The following PRTG variants were observed in gnomAD, a reference collection of about 807,000 sequenced individuals.
The protein encoded by PRTG is protogenin.
PRTG carries 67 observed loss-of-function variants against 122.5 expected under a neutral mutation model. The observed-to-expected ratio is 0.55, with a 90% CI of 0.45 to 0.67. The LOEUF (loss-of-function observed/expected upper bound fraction) is 0.67, where lower values mean the gene tolerates loss of function less well. Ranked by LOEUF, PRTG falls within the 30% of genes least tolerant of loss-of-function variation. The probability of loss-of-function intolerance (pLI) is 0.00; values close to 1 mark genes in which losing one functional copy is unlikely to be tolerated. For missense variants in PRTG, 1,435 were observed against 1,415.4 expected, an observed-to-expected ratio of 1.01 and a Z score of -0.22; for synonymous variants, 554 against 501.1, an observed-to-expected ratio of 1.11 and a Z score of -1.41.
chr15:55,742,435 G>A (rs541417900), intron 1 of PRTG: 1 of 181,882 alleles, frequency 5.5e-6, no homozygotes, highest in Non-Finnish European at 1.1e-5. Context: ...TATAAATAAA[G>A]CCACGTGCAG....
At chr15:55,673,931 A>C (rs557891232) in intron 9 of PRTG, among the ~76,000 whole-genome samples, 30 of 152,324 alleles carry the variant, frequency 2.0e-4, no homozygotes, top group African/African-American at 6.5e-4. Context: ...GTTTGGAATG[A>C]ATATGAGAAT....
chr15:55,619,683 T>C lies in PRTG; in HGVS notation c.*329A>G, dbSNP rs568360328. The C allele has an allele frequency of 9.9e-5, 25 of 252,570 alleles. No individual in the cohort carries two copies. The highest frequency in any genetic ancestry group is 1.3e-3 in the Middle Eastern group (1 of 744). 15.6% of individuals were successfully genotyped at this position (252,570 alleles called of 1,614,324 possible). On this transcript the variant is annotated 3_prime_UTR_variant, in exon 20 of 20. Coordinates refer to ENST00000389286, the MANE Select transcript of PRTG (RefSeq NM_173814.6). ...ATCCAGTCAAACATCTCGACCGTTC[T>C]TTCACATTGCTGACAATGAAACATT... is the stretch of plus-strand genomic sequence containing the variant.
chr15:55,717,131 G>A (rs2030629861), intron 2 of PRTG, among the ~76,000 whole-genome samples: 1 of 152,028 alleles, frequency 6.6e-6, no homozygotes, highest in East Asian at 1.9e-4. Flanking sequence ...CAAGAGATTT[G>A]GCTTTTATTG....
intron 2 of PRTG, among the ~76,000 whole-genome samples, chr15:55,704,638 A>G (rs1423615933): frequency 6.6e-6 from 1 of 152,164 alleles, no homozygotes; most frequent in Non-Finnish European, 1.5e-5. Flanking sequence ...CTTTCACATA[A>G]TAACCACTCA....
chr15:55,719,273 G>A (rs768623084), intron 2 of PRTG, among the ~76,000 whole-genome samples: 1 of 152,038 alleles, frequency 6.6e-6, no homozygotes, highest in Non-Finnish European at 1.5e-5. Context: ...TGTTGCATAT[G>A]GTATATCATG....
At chr15:55,630,694 C>T (rs1433220281) in intron 15 of PRTG, among the ~76,000 whole-genome samples, 1 of 152,144 alleles carries the variant, frequency 6.6e-6, no homozygotes, top group Non-Finnish European at 1.5e-5. Context: ...CCTTGTTCTG[C>T]CACTGCACCA....
chr15:55,704,092 A>C (rs1303843713), intron 2 of PRTG, among the ~76,000 whole-genome samples: 1 of 152,240 alleles, frequency 6.6e-6, no homozygotes, highest in African/African-American at 2.4e-5. Flanking sequence ...GGGAAAAAAA[A>C]GTGTCACTGC....
chr15:55,659,701 G>A (rs367776774), intron 11 of PRTG, among the ~76,000 whole-genome samples: 3 of 152,190 alleles, frequency 2.0e-5, no homozygotes, highest in Non-Finnish European at 2.9e-5. Context: ...CGAGGCGGAC[G>A]GACTGCCTGA....
In PRTG at chr15:55,673,379, C is replaced by T. The variant is rs752083603; in HGVS notation, c.1844G>A (p.Ser615Asn). 6.8e-6 allele frequency: 11 copies of T among 1,611,346 alleles called. No individual in the cohort carries two copies. The highest frequency in any genetic ancestry group is 9.3e-6 in the Non-Finnish European group (11 of 1,177,674). ...WTSHRTPKAT[S>N]VKAPKSPELH... is the part of the protein sequence containing the mutation. ...AGTCTTCAGAAATTCACCTTTCACG[C>T]TTGTAGCTTTGGGCGTCCTATGTGA... The change falls in exon 10 of 20, where the codon AGC becomes AAC. Residue 615 changes from serine to asparagine, a missense_variant. Transcript: ENST00000389286.
intron 4 of PRTG, among the ~76,000 whole-genome samples, chr15:55,680,845 A>G (rs1368158164): frequency 6.6e-6 from 1 of 152,158 alleles, no homozygotes; most frequent in Non-Finnish European, 1.5e-5. Flanking sequence ...AATTAATTTT[A>G]GAACATTTTT....
At chr15:55,648,019 C>T (rs1450808176) in intron 11 of PRTG, among the ~76,000 whole-genome samples, 13 of 152,174 alleles carry the variant, frequency 8.5e-5, no homozygotes, top group Non-Finnish European at 5.9e-5. Flanking sequence ...TATATTCCTT[C>T]CAGTGGTATA....
At chr15:55,715,669 C>T (rs1015896916) in intron 2 of PRTG, among the ~76,000 whole-genome samples, 1 of 152,170 alleles carries the variant, frequency 6.6e-6, no homozygotes, top group African/African-American at 2.4e-5. Context: ...ATCCAAAAAA[C>T]CCTGAGTACT....
intron 11 of PRTG, among the ~76,000 whole-genome samples, chr15:55,659,774 C>T (rs2059399499): frequency 6.6e-6 from 1 of 152,012 alleles, no homozygotes; most frequent in East Asian, 1.9e-4. Context: ...ACAAAATTAG[C>T]TGGGCGTAGT....
In PRTG at chr15:55,679,316, T is replaced by C. The variant is rs2059523418; in HGVS notation, c.1103A>G (p.His368Arg). Residue 368 changes from histidine (H) to arginine (R), a missense_variant, in exon 7 of 20, where the codon CAT becomes CGT. His to Arg is a conservative substitution (Grantham distance 29, BLOSUM62 0). Transcript: ENST00000389286. Reference protein sequence around the residue: ...MSWLKNGRKIHSNGRIKMYNS... With the variant: ...MSWLKNGRKIRSNGRIKMYNS... ...GTACATTTTAATTCTACCATTCGAA[T>C]GTATCTTCCTTCCATTTTTCAACCA... is the stretch of plus-strand genomic sequence containing the variant. The C allele has an allele frequency of 6.2e-7, 1 of 1,613,022 alleles. No homozygotes were observed. Among genetic ancestry groups the C allele is most frequent in the Non-Finnish European group, 8.5e-7 (1 of 1,179,104 alleles).
At chr15:55,636,939 G>A (rs1295078546) in intron 15 of PRTG, among the ~76,000 whole-genome samples, 6 of 152,132 alleles carry the variant, frequency 3.9e-5, no homozygotes, top group Non-Finnish European at 5.9e-5. Flanking sequence ...GAGCCACTGC[G>A]CCCGGCTATA....
Position 55,742,976 on chromosome 15 carries a change from T to C in PRTG, c.-45A>G. The C allele has an allele frequency of 7.1e-7, 1 of 1,415,838 alleles. No homozygotes were observed. Among genetic ancestry groups the C allele is most frequent in the Non-Finnish European group, 9.2e-7 (1 of 1,088,146 alleles). 87.7% of individuals were successfully genotyped at this position (1,415,838 alleles called of 1,614,324 possible). A position where few individuals can be genotyped will look rare whatever the true frequency, so the allele number is the denominator to read the frequency against. Reference sequence around the variant, plus strand: ...ATGCTCCCCGGCCGCCCAGAGCCCCTGTCCGTCTGCGGCCCCCGCCCCGGG... The same window carrying C: ...ATGCTCCCCGGCCGCCCAGAGCCCCCGTCCGTCTGCGGCCCCCGCCCCGGG... On this transcript the variant is annotated 5_prime_UTR_variant, in exon 1 of 20. Coordinates refer to ENST00000389286, the MANE Select transcript of PRTG (RefSeq NM_173814.6).
At chr15:55,701,415 T>C (rs2059662840) in intron 2 of PRTG, among the ~76,000 whole-genome samples, 1 of 151,996 alleles carries the variant, frequency 6.6e-6, no homozygotes, top group South Asian at 2.1e-4. Flanking sequence ...GCGACTGTAA[T>C]CCCAACTACT....
At chr15:55,663,268 G>A (rs2059419715) in intron 11 of PRTG, among the ~76,000 whole-genome samples, 1 of 152,178 alleles carries the variant, frequency 6.6e-6, no homozygotes, top group African/African-American at 2.4e-5. Context: ...CACAGTCTTA[G>A]CGGGCTGGAG....
intron 2 of PRTG, among the ~76,000 whole-genome samples, chr15:55,729,236 G>C (rs1466975231): frequency 6.6e-6 from 1 of 152,186 alleles, no homozygotes; most frequent in African/African-American, 2.4e-5. Context: ...GATAAACCTT[G>C]AAAACATGCT....
Sources: allele counts gnomAD v4.1 joint callset (sites outside exome capture counted in the v4.1 genomes callset), GRCh38; gene constraint gnomAD v4.1.1; transcripts MANE v1.5; gene names NCBI Gene and HGNC (gene_info 2026-07-23, HGNC 2026-07-21).